Variants in GNS observed in about 807,000 individuals in gnomAD.
GNS encodes N-acetylglucosamine-6-sulfatase.
GNS carries 40 observed loss-of-function variants against 69.7 expected under a neutral mutation model. That is an observed-to-expected ratio of 0.57 (90% CI 0.45 to 0.75). The LOEUF is 0.75. Ranked by LOEUF, GNS falls within the 30% of genes least tolerant of loss-of-function variation. GNS has a pLI of 0.00. For missense variants in GNS, 565 were observed against 685.5 expected (o/e 0.82, Z 1.96); for synonymous variants, 243 against 251.6 (o/e 0.97, Z 0.32).
chr12:64,729,063 A>G lies in GNS; in HGVS notation c.1099-6T>C, dbSNP rs2136240597. On this transcript the variant is annotated splice_polypyrimidine_tract_variant and splice_region_variant and intron_variant, in intron 9 of 13. Coordinates refer to ENST00000258145, the MANE Select transcript of GNS (RefSeq NM_002076.4). Reference sequence around the variant, plus strand: ...TCAATGTTGGCAACCAGCATCTATGAGAATGAGGGAAAAACAATCTAGAAC... The same window carrying G: ...TCAATGTTGGCAACCAGCATCTATGGGAATGAGGGAAAAACAATCTAGAAC... 1.4e-6 allele frequency: 2 copies of G among 1,455,240 alleles called. No homozygotes were observed. Among genetic ancestry groups the G allele is most frequent in the Non-Finnish European group, 1.9e-6 (2 of 1,035,084 alleles). The allele number at this position is 1,455,240 out of a possible 1,614,324, so 90.1% of individuals were successfully genotyped here. A position where few individuals can be genotyped will look rare whatever the true frequency, so the allele number is the denominator to read the frequency against.
intron 8 of GNS, among the ~76,000 whole-genome samples, chr12:64,737,611 A>G (rs1373938076): frequency 6.6e-6 from 1 of 152,250 alleles, no homozygotes; most frequent in Non-Finnish European, 1.5e-5. Context: ...TGAGGGAATA[A>G]TGAATTTAGG....
At position 64,739,489 on chromosome 12, in the gene GNS, G is replaced by C. The variant is rs755801592; in HGVS notation, c.886C>G (p.Leu296Val). The C allele has an allele frequency of 7.7e-6, 12 of 1,562,478 alleles. No individual in the cohort carries two copies. The Admixed American group carries it at 1.9e-4, about 24-fold the overall frequency. ...TCCACAAGGTCATCAACTGAGAGGA[G>C]AGTTTGCCACCTGGATGTGAACAGA... is the stretch of plus-strand genomic sequence containing the variant. ...DNAFRKRWQT[L>V]LSVDDLVEKL... Residue 296 changes from leucine to valine, a missense_variant, in exon 8 of 14, where the codon CTC becomes GTC. Leu to Val is a conservative substitution (Grantham distance 32). Transcript: ENST00000258145.
In GNS at chr12:64,716,562, A is replaced by C; in HGVS notation, c.*179T>G. On this transcript the variant is annotated 3_prime_UTR_variant, in exon 14 of 14. Coordinates refer to ENST00000258145, the MANE Select transcript of GNS (RefSeq NM_002076.4). ...CACTCCTGACACATGGGCAGAGTTC[A>C]CAGTTTAACACATTGCACGAGGAAG... The C allele has an allele frequency of 1.5e-6, 1 of 663,068 alleles. No individual in the cohort carries two copies. The highest frequency in any genetic ancestry group is 2.1e-5 in the Admixed American group (1 of 48,098). The allele number at this position is 663,068 out of a possible 1,614,324, so 41.1% of individuals were successfully genotyped here. A position where few individuals can be genotyped will look rare whatever the true frequency, so the allele number is the denominator to read the frequency against.
rs1868839952 is a variant in GNS, at chr12:64,715,731, A to C, written c.*1010T>G. On this transcript the variant is annotated 3_prime_UTR_variant, in exon 14 of 14. Transcript: ENST00000258145. The stretch of plus-strand genomic sequence containing the variant: ...AAACAAATGAAGAGAATGACAGAAA[A>C]ATGCAGATAGAGCCAATGACTTCAT... 1 of 153,022 alleles carries C rather than the reference A, an allele frequency of 6.5e-6. No homozygotes were observed. The allele number at this position is 153,022 out of a possible 1,614,324, so 9.5% of individuals were successfully genotyped here.
At chr12:64,755,492 CT>C (rs1439386279) in intron 1 of GNS, among the ~76,000 whole-genome samples, 1 of 150,034 alleles carries the variant, frequency 6.7e-6, no homozygotes, top group African/African-American at 2.5e-5. Context: ...ACAGGGGAAT[CT>C]CTTGAACTCA....
In GNS at chr12:64,714,114, C is replaced by T. The variant is rs1429465882; in HGVS notation, c.*2627G>A. On this transcript the variant is annotated 3_prime_UTR_variant, in exon 14 of 14. Coordinates refer to ENST00000258145, the MANE Select transcript of GNS (RefSeq NM_002076.4). Reference sequence around the variant, plus strand: ...ACTGCACTCCAGCCCGGGTGACAACCGCGAGACTTCATCTCAAAAAAAAAG... The same window carrying T: ...ACTGCACTCCAGCCCGGGTGACAACTGCGAGACTTCATCTCAAAAAAAAAG... 4 of 151,794 alleles carry T rather than the reference C, an allele frequency of 2.6e-5. No homozygotes were observed. The highest frequency in any genetic ancestry group is 6.6e-5 in the Admixed American group (1 of 15,254). The allele number at this position is 151,794 out of a possible 1,614,324, so 9.4% of individuals were successfully genotyped here. A position where few individuals can be genotyped will look rare whatever the true frequency, so the allele number is the denominator to read the frequency against.
At chr12:64,739,808 T>C (rs909102602) in intron 7 of GNS, among the ~76,000 whole-genome samples, 1 of 152,342 alleles carries the variant, frequency 6.6e-6, no homozygotes, top group Admixed American at 6.5e-5. Flanking sequence ...ACCAGTTAGC[T>C]TTACTTTTTA....
chr12:64,738,800 G>T (rs1211957716), intron 8 of GNS, among the ~76,000 whole-genome samples: 1 of 140,246 alleles, frequency 7.1e-6, no homozygotes, highest in Non-Finnish European at 1.5e-5. Flanking sequence ...GTGACAGAGC[G>T]AGATTCTGTC....
Position 64,751,132 on chromosome 12 carries a change from G to A in GNS, c.252+1566C>T, listed in dbSNP as rs150088199. 5.6e-3 allele frequency among the ~76,000 whole-genome samples: 857 copies of A among 152,252 alleles called. 11 individuals are homozygous for A. Among genetic ancestry groups the A allele is most frequent in the African/African-American group, 0.019 (806 of 41,552 alleles). ...GGAGACTGAGATGGAAGGATCACTT[G>A]AGCTCAGGAGTTCCAGACCAGCCCG... On this transcript the variant is annotated intron_variant, in intron 2 of 13. Transcript: ENST00000258145.
intron 13 of GNS, among the ~76,000 whole-genome samples, chr12:64,718,667 C>T (rs1035606805): frequency 1.3e-5 from 2 of 152,244 alleles, no homozygotes; most frequent in African/African-American, 2.4e-5. Flanking sequence ...ACTGTTTGGC[C>T]ACACATCATA....
intron 3 of GNS, chr12:64,746,340 G>T (rs115634927): frequency 2.0e-5 from 3 of 152,494 alleles, no homozygotes; most frequent in Non-Finnish European, 4.4e-5. Flanking sequence ...CTTATTATAA[G>T]TTGAACATCC....
intron 9 of GNS, among the ~76,000 whole-genome samples, chr12:64,736,137 T>A (rs535100950): frequency 6.6e-6 from 1 of 152,178 alleles, no homozygotes; most frequent in African/African-American, 2.4e-5. Context: ...AGAGAAGACA[T>A]AGCTGGTGGA....
rs1869849926 is a variant in GNS at position 64,744,830 on chromosome 12, C to T, written c.603G>A (p.Val201=). 1.3e-6 allele frequency: 2 copies of T among 1,532,838 alleles called. No homozygotes were observed. The highest frequency in any genetic ancestry group is 2.7e-5 in the African/African-American group (2 of 73,280). 95.0% of individuals were successfully genotyped at this position (1,532,838 alleles called of 1,614,324 possible). Residue 201 remains valine, a synonymous_variant, in exon 5 of 14, where the codon GTG becomes GTA. Coordinates refer to ENST00000258145, the MANE Select transcript of GNS (RefSeq NM_002076.4). ...KARKHGENYS[V]DYLTDVLANV... The stretch of plus-strand genomic sequence containing the variant: ...TCACCAAAACATCTGTCAGGTAGTC[C>T]ACACTATAGTTTTCACCATGCTTCC...
intron 1 of GNS, among the ~76,000 whole-genome samples, chr12:64,755,509 A>T (rs1333182926): frequency 4.7e-5 from 7 of 149,592 alleles, no homozygotes; most frequent in Non-Finnish European, 8.9e-5. Context: ...ACTCAGGAGA[A>T]GGAGGTTGCA....
At chr12:64,722,179 G>A (rs1204662215) in intron 11 of GNS, among the ~76,000 whole-genome samples, 6 of 151,858 alleles carry the variant, frequency 4.0e-5, no homozygotes, top group African/African-American at 1.2e-4. Flanking sequence ...CACCACGCCC[G>A]GCTAATTTTT....
intron 9 of GNS, among the ~76,000 whole-genome samples, chr12:64,733,957 C>T (rs1007318868): frequency 1.3e-5 from 2 of 152,230 alleles, no homozygotes; most frequent in African/African-American, 2.4e-5. Flanking sequence ...CTTAAGTCCA[C>T]CAGTCAGTTA....
intron 6 of GNS, 101 bp downstream of exon 6, chr12:64,743,040 G>A: frequency 1.1e-6 from 1 of 882,146 alleles, no homozygotes; most frequent in Non-Finnish European, 1.9e-6. Flanking sequence ...TTAAAATATT[G>A]TGAAGAAAAA....
At chr12:64,747,544 T>C (rs541008166) in intron 3 of GNS, among the ~76,000 whole-genome samples, 168 bp downstream of exon 3, 1 of 152,342 alleles carries the variant, frequency 6.6e-6, no homozygotes, top group South Asian at 2.1e-4. Flanking sequence ...ACATGTGTAC[T>C]TATATGAACA....
In GNS at chr12:64,745,645, C is replaced by A; in HGVS notation, c.525+14G>T. ...GGCTGCATAAAATTGTCACAGACTT[C>A]AATAATCACTCACCAAGGCATACCA... On this transcript the variant is annotated intron_variant, in intron 4 of 13. Coordinates refer to ENST00000258145, the MANE Select transcript of GNS (RefSeq NM_002076.4). The A allele has an allele frequency of 6.7e-7, 1 of 1,484,630 alleles. No homozygotes were observed. The highest frequency in any genetic ancestry group is 9.4e-7 in the Non-Finnish European group (1 of 1,061,830). 92.0% of individuals were successfully genotyped at this position (1,484,630 alleles called of 1,614,324 possible).
Sources: allele counts gnomAD v4.1 joint callset (sites outside exome capture counted in the v4.1 genomes callset), GRCh38; gene constraint gnomAD v4.1.1; transcripts MANE v1.5; gene names NCBI Gene and HGNC (gene_info 2026-07-23, HGNC 2026-07-21).